PTPRS: variants seen among roughly 807,000 people sequenced by gnomAD.
PTPRS encodes the protein protein tyrosine phosphatase receptor type S.
Under a neutral mutation model 215.3 loss-of-function variants are expected in PTPRS, and 63 were observed. That is an observed-to-expected ratio of 0.29 (90% confidence interval 0.24 to 0.36). PTPRS has a LOEUF of 0.36. Ranked by LOEUF, PTPRS falls within the 10% of genes least tolerant of loss-of-function variation. PTPRS has a pLI of 1.00. For synonymous variants in PTPRS, 1,404 were observed against 1,191.4 expected, an observed-to-expected ratio of 1.18 and a Z score of -3.68; for missense variants, 2,258 against 2,825.8, an observed-to-expected ratio of 0.80 and a Z score of 4.56.
intron 1 of PTPRS, among the ~76,000 whole-genome samples, chr19:5,304,289 C>A (rs2049404658): frequency 6.6e-6 from 1 of 151,872 alleles, no homozygotes; most frequent in African/African-American, 2.4e-5. Context: ...CATGGTGAAA[C>A]CTCCATCTCT....
chr19:5,305,763 A>ATTTTT (rs1336026523), intron 1 of PTPRS, among the ~76,000 whole-genome samples: 1 of 113,694 alleles, frequency 8.8e-6, no homozygotes, highest in African/African-American at 4.3e-5. Context: ...ATATATATAT[A>ATTTTT]TATTTTTTTT....
chr19:5,328,251 G>T (rs978116853), intron 1 of PTPRS, among the ~76,000 whole-genome samples: 2 of 152,048 alleles, frequency 1.3e-5, no homozygotes, highest in South Asian at 2.1e-4. Context: ...TGAGTAGCTG[G>T]GATTACTGGC....
At position 5,260,827 on chromosome 19, in the gene PTPRS, A is replaced by C. The variant is rs751633926; in HGVS notation, c.578-5T>G. The C allele has an allele frequency of 4.3e-6, 7 of 1,613,420 alleles. No individual in the cohort carries two copies. The highest frequency in any genetic ancestry group is 5.9e-6 in the Non-Finnish European group (7 of 1,179,714). ...TACCTCGAATCGGAGTGCTTTCTGT[A>C]AGGGAAGCAGAGAGAACCAGGTGAA... On this transcript the variant is annotated splice_region_variant and splice_polypyrimidine_tract_variant and intron_variant, in intron 6 of 37. Transcript: ENST00000262963.
rs1298399616 is a variant in PTPRS at position 5,286,057 on chromosome 19, T to C, written c.84A>G (p.Ala28=). 1.2e-6 allele frequency: 2 copies of C among 1,613,282 alleles called. No individual in the cohort carries two copies. ...CCCGTGCCGGCTTCTTACCTTCTGC[T>C]GCACAGCCTCCAACGAGCAGGACCA... ...LLVVLLVGGC[A]AEEPPRFIKE... is the part of the protein sequence containing the mutation. The change falls in exon 2 of 38, where the codon GCA becomes GCG. Residue 28 remains alanine (A), a synonymous_variant. Coordinates refer to ENST00000262963, the MANE Select transcript of PTPRS (RefSeq NM_002850.4).
chr19:5,260,858 C>G, intron 6 of PTPRS, 36 bp from the exon 7 acceptor site: 1 of 1,565,634 alleles, frequency 6.4e-7, no homozygotes, highest in South Asian at 1.1e-5. Context: ...GTGAATGTCA[C>G]AAGGCGGTTG....
At position 5,260,178 on chromosome 19, in the gene PTPRS, TTC is replaced by T. The variant is rs1317916407; in HGVS notation, c.595+625_595+626del. Among the ~76,000 whole-genome samples the T allele has an allele frequency of 2.0e-5, 3 of 151,096 alleles. 1 individual carries two copies. The highest frequency in any genetic ancestry group is 4.9e-5 in the African/African-American group (2 of 40,904). On this transcript the variant is annotated intron_variant, in intron 7 of 37. Transcript: ENST00000262963. ...GGCCCACTTTGCATGTTCGTTTTGT[TTC>T]TTTTTTTTTTTTTTTTTGAGGAGTC...
intron 10 of PTPRS, among the ~76,000 whole-genome samples, chr19:5,245,324 T>C (rs903419375): frequency 3.3e-5 from 5 of 151,398 alleles, no homozygotes; most frequent in Non-Finnish European, 5.9e-5. Context: ...GGTCCGGCTC[T>C]GTTGCCCAGG....
At chr19:5,299,792 C>T (rs1166744185) in intron 1 of PTPRS, among the ~76,000 whole-genome samples, 1 of 152,010 alleles carries the variant, frequency 6.6e-6, no homozygotes, top group Non-Finnish European at 1.5e-5. Context: ...ATCGCTTGAA[C>T]CTGGGAGGCG....
At chr19:5,277,655 CAA>C (rs59687529) in intron 2 of PTPRS, 12,767 of 370,508 alleles carry the variant, frequency 0.034, no homozygotes, top group Non-Finnish European at 0.042. Context: ...GACTCCATCT[CAA>C]AAAAAAAAAA....
Position 5,233,161 on chromosome 19 carries a change from T to C in PTPRS, c.1850-1546A>G, listed in dbSNP as rs10415916. Among the ~76,000 whole-genome samples, 1,274 of 142,698 alleles carry C rather than the reference T, an allele frequency of 8.9e-3. 24 individuals are homozygous for C. The highest frequency in any genetic ancestry group is 0.031 in the African/African-American group (1,179 of 37,722). The allele number at this position is 142,698 out of a possible 152,430, so 93.6% of individuals were successfully genotyped here. Reference sequence around the variant, plus strand: ...TGTCAAGCATTGTGCTAAGGCTTCATAGAATGGTAACAAAATAATCTATGT... The same window carrying C: ...TGTCAAGCATTGTGCTAAGGCTTCACAGAATGGTAACAAAATAATCTATGT... On this transcript the variant is annotated intron_variant, in intron 13 of 37. Transcript: ENST00000262963.
Position 5,340,026 on chromosome 19 carries a change from C to T in PTPRS, c.-95+638G>A, listed in dbSNP as rs373158009. ...GGAGGGGCGACCTCCCATAAGGCAA[C>T]GACAGGGCCCGGAGTGTTCCAGGGG... On this transcript the variant is annotated intron_variant, in intron 1 of 37. Coordinates refer to ENST00000262963, the MANE Select transcript of PTPRS (RefSeq NM_002850.4). Among the ~76,000 whole-genome samples, 19 of 151,828 alleles carry T rather than the reference C, an allele frequency of 1.3e-4. No individual in the cohort carries two copies. The East Asian group carries it at 2.9e-3, about 23-fold the overall frequency.
In PTPRS at chr19:5,338,380, C is replaced by A. The variant is rs2147335002; in HGVS notation, c.-95+2284G>T. Among the ~76,000 whole-genome samples the A allele has an allele frequency of 6.6e-6, 1 of 151,976 alleles. No homozygotes were observed. Among genetic ancestry groups the A allele is most frequent in the African/African-American group, 2.4e-5 (1 of 41,416 alleles). Reference sequence around the variant, plus strand: ...GGCCTAGCCCCCATGCAGAAGTGCACCGTCATGATGAGGGTGTCCCCCGGG... The same window carrying A: ...GGCCTAGCCCCCATGCAGAAGTGCAACGTCATGATGAGGGTGTCCCCCGGG... On this transcript the variant is annotated intron_variant, in intron 1 of 37. Coordinates refer to ENST00000262963, the MANE Select transcript of PTPRS (RefSeq NM_002850.4). This position sits in a 1 kb window ranked among gnomAD's most constrained non-coding sequence, Gnocchi z 4.2.
At chr19:5,276,757 T>C (rs1482217800) in intron 2 of PTPRS, among the ~76,000 whole-genome samples, 4 of 151,880 alleles carry the variant, frequency 2.6e-5, no homozygotes, top group Non-Finnish European at 5.9e-5. Context: ...TTAGCCAGGA[T>C]GGTCTCGATC....
intron 1 of PTPRS, among the ~76,000 whole-genome samples, chr19:5,288,699 C>A (rs1439451887): frequency 6.6e-6 from 1 of 152,200 alleles, no homozygotes; most frequent in Non-Finnish European, 1.5e-5. Context: ...GCATAGCAAA[C>A]CTGAAGCTCA....
intron 4 of PTPRS, among the ~76,000 whole-genome samples, chr19:5,271,509 C>T (rs926464049): frequency 6.6e-6 from 1 of 150,666 alleles, no homozygotes; most frequent in Non-Finnish European, 1.5e-5. Context: ...ACGATCCTCT[C>T]CTGCCTCAGC....
chr19:5,277,123 G>A (rs1237944598), intron 2 of PTPRS, among the ~76,000 whole-genome samples: 2 of 148,740 alleles, frequency 1.3e-5, no homozygotes, highest in African/African-American at 2.5e-5. Context: ...GCAGTGGCGC[G>A]ATCTTGGCTC....
chr19:5,239,201 GA>G, intron 12 of PTPRS, 138 bp from the exon 13 acceptor site: 1 of 647,378 alleles, frequency 1.5e-6, no homozygotes, highest in Non-Finnish European at 2.6e-6. Flanking sequence ...GAGAAATAGA[GA>G]CAGGGGTGCG....
intron 1 of PTPRS, among the ~76,000 whole-genome samples, chr19:5,322,606 C>A (rs2050055241): frequency 6.6e-6 from 1 of 152,118 alleles, no homozygotes; most frequent in South Asian, 2.1e-4. Flanking sequence ...GGCGGCCGGG[C>A]GCGGTGCTCA....
chr19:5,321,168 G>A (rs1028097712), intron 1 of PTPRS, among the ~76,000 whole-genome samples: 6 of 152,162 alleles, frequency 3.9e-5, no homozygotes, highest in African/African-American at 1.4e-4. Context: ...AGCTGCTCAG[G>A]GGGCTGAGGC....
Sources: allele counts gnomAD v4.1 joint callset (sites outside exome capture counted in the v4.1 genomes callset), GRCh38; gene constraint gnomAD v4.1.1; non-coding constraint Gnocchi (gnomAD v3.1); transcripts MANE v1.5; gene names NCBI Gene and HGNC (gene_info 2026-07-23, HGNC 2026-07-21).